Variants in PDLIM2 observed in about 807,000 individuals in gnomAD.
The protein encoded by PDLIM2 is PDZ and LIM domain 2, also known as PDZ and LIM domain protein 2.
In PDLIM2, 51 loss-of-function variants were observed where a neutral mutation model predicts 54.1. That is an observed-to-expected ratio of 0.94 (90% CI 0.75 to 1.19). PDLIM2 has a LOEUF of 1.19. Among genes scored for constraint, PDLIM2 ranks in the 50% most tolerant of loss-of-function variants. PDLIM2 has a pLI of 0.00. For missense variants in PDLIM2, 912 were observed against 874.0 expected (o/e 1.04, Z -0.55); for synonymous variants, 398 against 385.6 (o/e 1.03, Z -0.38).
At chr8:22,590,838 T>G (rs1322253429) in intron 8 of PDLIM2, 1 of 152,542 alleles carries the variant, frequency 6.6e-6, no homozygotes, top group East Asian at 1.9e-4. Flanking sequence ...GAAACTGGCC[T>G]CCAGGAACAA....
intron 6 of PDLIM2, 59 bp downstream of exon 5, chr8:22,585,458 G>C: frequency 6.6e-7 from 1 of 1,514,484 alleles, no homozygotes; most frequent in Non-Finnish European, 9.0e-7. Context: ...GTTCCTGTGG[G>C]TTGCCAGTGC....
intron 6 of PDLIM2, chr8:22,588,950 G>C (rs1800452637): frequency 2.5e-6 from 1 of 405,742 alleles, no homozygotes; most frequent in Non-Finnish European, 4.4e-6. Context: ...AGTGTGCAAT[G>C]TCTTTGCACA....
intron 9 of PDLIM2, chr8:22,593,500 C>G (rs1003974091): frequency 2.6e-5 from 13 of 507,724 alleles, no homozygotes; most frequent in Non-Finnish European, 4.2e-5. Context: ...TCGCTTGAAC[C>G]CGGAAGGTAG....
chr8:22,589,921 G>A, intron 8 of PDLIM2, 180 bp downstream of exon 7: 1 of 367,746 alleles, frequency 2.7e-6, no homozygotes, highest in Non-Finnish European at 4.5e-6. Flanking sequence ...GACGGTCCGG[G>A]AGGGTCCGGG....
chr8:22,591,551 G>A, exon 9 of PDLIM2: 1 of 1,613,534 alleles, frequency 6.2e-7, no homozygotes, highest in Non-Finnish European at 8.5e-7. Flanking sequence ...CTGCCCCCAG[G>A]TGGCACGCCA....
At chr8:22,589,658 A>G (rs1171428490) in exon 8 of PDLIM2, 25 of 1,588,848 alleles carry the variant, frequency 1.6e-5, no homozygotes, top group Non-Finnish European at 1.8e-5. Flanking sequence ...AAGATGCTGC[A>G]GGAAAATCGC....
At chr8:22,589,859 A>G in intron 8 of PDLIM2, 118 bp downstream of exon 7, 1 of 1,387,990 alleles carries the variant, frequency 7.2e-7, no homozygotes, top group East Asian at 2.5e-5. Context: ...CCCCAGGACT[A>G]GGCACGGAGC....
chr8:22,579,223 A>T (rs1800118621), exon 1 of PDLIM2: 17 of 1,380,300 alleles, frequency 1.2e-5, no homozygotes, highest in Non-Finnish European at 1.5e-5. Flanking sequence ...AGCGGCAGCC[A>T]GGTGAGCGCG....
intron 1 of PDLIM2, 131 bp from the exon 1 acceptor site, chr8:22,580,344 C>T: frequency 1.3e-6 from 1 of 792,532 alleles, no homozygotes; most frequent in Non-Finnish European, 1.8e-6. Context: ...CTGGGCAGCC[C>T]CCTCCTGGGA....
chr8:22,589,302 G>T (rs901318197), exon 7 of PDLIM2: 4 of 1,533,856 alleles, frequency 2.6e-6, no homozygotes, highest in Admixed American at 2.0e-5. Context: ...CAACAGGCCG[G>T]CCTCGGCCGC....
At chr8:22,594,205 G>A (rs1463248612) in exon 10 of PDLIM2, 1 of 1,401,154 alleles carries the variant, frequency 7.1e-7, no homozygotes, top group Non-Finnish European at 9.2e-7. Flanking sequence ...ACACAGAAGT[G>A]GGAAGGAGAG....
At chr8:22,585,489 G>A (rs925209048) in intron 6 of PDLIM2, 90 bp downstream of exon 5, 4 of 1,267,968 alleles carry the variant, frequency 3.2e-6, no homozygotes, top group African/African-American at 3.0e-5. Context: ...CAGGCGGCCA[G>A]GCCCACCTGG....
At chr8:22,590,113 T>G (rs1800499570) in intron 8 of PDLIM2, 1 of 220,478 alleles carries the variant, frequency 4.5e-6, no homozygotes, top group Non-Finnish European at 9.1e-6. Flanking sequence ...TTAAACAGCA[T>G]TAAGAGGGTG....
At chr8:22,593,937 C>G (rs1265435925) in exon 10 of PDLIM2, 33 of 1,544,006 alleles carry the variant, frequency 2.1e-5, no homozygotes, top group Non-Finnish European at 2.8e-5. Flanking sequence ...GCCTGCCTCA[C>G]TGCTGGGCCA....
In PDLIM2 at chr8:22,584,910, T is replaced by G. The variant is rs759378348; in HGVS notation, c.1065+20T>G. The stretch of plus-strand genomic sequence containing the variant: ...TTCCAGGTAAGCTGGTGCCCTCCCC[T>G]GACAGCCTCAGCACCCTGATCACTG... On this transcript the variant is annotated intron_variant, in intron 4 of 9. Coordinates refer to ENST00000308354, the Ensembl canonical transcript of PDLIM2. The G allele has an allele frequency of 6.2e-7, 1 of 1,613,908 alleles. No homozygotes were observed. The highest frequency in any genetic ancestry group is 8.5e-7 in the Non-Finnish European group (1 of 1,179,976).
intron 6 of PDLIM2, 35 bp from the exon 6 acceptor site, chr8:22,589,263 G>C: frequency 2.0e-6 from 3 of 1,532,630 alleles, no homozygotes; most frequent in Non-Finnish European, 2.6e-6. Flanking sequence ...CAAGGCTCTG[G>C]CCCTGACTCC....
intron 3 of PDLIM2, among the ~76,000 whole-genome samples, chr8:22,583,009 A>G (rs1196050532): frequency 1.3e-5 from 2 of 148,954 alleles, no homozygotes; most frequent in Non-Finnish European, 3.0e-5. Context: ...GGCTGGAGCC[A>G]GAGACTGAGC....
chr8:22,581,014 T>C, intron 2 of PDLIM2: 1 of 656,532 alleles, frequency 1.5e-6, no homozygotes, highest in Non-Finnish European at 2.9e-6. Context: ...CTTGGCAGTC[T>C]CCTCTTGACC....
At chr8:22,582,837 C>A (rs942492940) in intron 3 of PDLIM2, among the ~76,000 whole-genome samples, 1 of 152,010 alleles carries the variant, frequency 6.6e-6, no homozygotes, top group African/African-American at 2.4e-5. Context: ...GCCTCAGCCT[C>A]CCAAAGTGCT....
Sources: allele counts gnomAD v4.1 joint callset (sites outside exome capture counted in the v4.1 genomes callset), GRCh38; gene constraint gnomAD v4.1.1; transcripts MANE v1.5; gene names NCBI Gene and HGNC (gene_info 2026-07-23, HGNC 2026-07-21).